The following MROH2B variants were observed in gnomAD, a reference collection of about 807,000 sequenced individuals.
MROH2B encodes maestro heat-like repeat-containing protein family member 2B.
In MROH2B, 177 loss-of-function variants were observed where a neutral mutation model predicts 208.6. The observed-to-expected ratio is 0.85, with a 90% CI of 0.75 to 0.96. The LOEUF (loss-of-function observed/expected upper bound fraction) is 0.96. Among genes scored for constraint, MROH2B ranks in the 40% least tolerant of loss-of-function variants. The probability of loss-of-function intolerance (pLI) is 0.00; values close to 1 mark genes in which losing one functional copy is unlikely to be tolerated. For missense variants in MROH2B, 2,002 were observed against 1,878.7 expected, an observed-to-expected ratio of 1.07 and a Z score of -1.21; for synonymous variants, 728 against 659.0, an observed-to-expected ratio of 1.10 and a Z score of -1.60.
chr5:41,034,456 C>T (rs1742686924), intron 21 of MROH2B, among the ~76,000 whole-genome samples: 1 of 152,008 alleles, frequency 6.6e-6, no homozygotes. Flanking sequence ...GTGCACACAC[C>T]CCATGAATCT....
chr5:41,054,200 G>A (rs1270164230), intron 11 of MROH2B, among the ~76,000 whole-genome samples: 1 of 152,072 alleles, frequency 6.6e-6, no homozygotes, highest in Non-Finnish European at 1.5e-5. Context: ...GGCTGGTCTC[G>A]AAATCCTGAC....
At chr5:41,033,990 AG>A in intron 21 of MROH2B, 126 bp from the exon 22 acceptor site, 10 of 1,148,738 alleles carry the variant, frequency 8.7e-6, no homozygotes, top group East Asian at 7.5e-5. Flanking sequence ...AGCCTTGCCA[AG>A]GGGGGTCTTG....
intron 24 of MROH2B, among the ~76,000 whole-genome samples, chr5:41,029,247 C>A (rs1742483319): frequency 6.6e-6 from 1 of 151,994 alleles, no homozygotes; most frequent in Non-Finnish European, 1.5e-5. Flanking sequence ...TTTTCATTTG[C>A]CTTTTAGCCA....
At chr5:41,003,851 C>T (rs1290125063) in intron 37 of MROH2B, among the ~76,000 whole-genome samples, 1 of 152,096 alleles carries the variant, frequency 6.6e-6, no homozygotes, top group African/African-American at 2.4e-5. Flanking sequence ...AATGTGCTTC[C>T]TGGAAGGCAT....
At chr5:41,015,755 C>G (rs73090332) in intron 28 of MROH2B, among the ~76,000 whole-genome samples, 4,015 of 152,308 alleles carry the variant, frequency 0.026, 170 homozygotes, top group African/African-American at 0.092. Flanking sequence ...GATGTGAAGA[C>G]ATTGCCCAAG....
In MROH2B at chr5:41,018,965, T is replaced by G; in HGVS notation, c.2495A>C (p.Asn832Thr). 1 of 1,613,862 alleles carries G rather than the reference T, an allele frequency of 6.2e-7. No individual in the cohort carries two copies. The highest frequency in any genetic ancestry group is 8.5e-7 in the Non-Finnish European group (1 of 1,179,854). The part of the protein sequence containing the change: ...LQDHLNILEE[N>T]IRRLLPLPPL... ...TGGAAGGGGCAGCAGCCTCCGAATA[T>G]TCTCCTCAAGAATGTTAAGGTGGTC... The change falls in exon 25 of 42, where the codon AAT (asparagine) becomes ACT (threonine). Residue 832 changes from asparagine to threonine, a missense_variant. Asn to Thr is a moderately conservative substitution (Grantham distance 65). Coordinates refer to ENST00000399564, the MANE Select transcript of MROH2B (RefSeq NM_173489.5).
At chr5:41,013,361 G>A (rs1741834597) in intron 29 of MROH2B, among the ~76,000 whole-genome samples, 1 of 152,144 alleles carries the variant, frequency 6.6e-6, no homozygotes, top group Admixed American at 6.5e-5. Context: ...ATAGCAGTGT[G>A]TGAATTTGAG....
At chr5:40,998,271 C>A in intron 41 of MROH2B, 113 bp from the exon 42 acceptor site, 1 of 727,082 alleles carries the variant, frequency 1.4e-6, no homozygotes, top group South Asian at 1.7e-5. Flanking sequence ...CCAAGTGGGG[C>A]TCAGGTCCTC....
chr5:41,028,093 C>T (rs1045098866), intron 24 of MROH2B, among the ~76,000 whole-genome samples: 1 of 151,928 alleles, frequency 6.6e-6, no homozygotes, highest in African/African-American at 2.4e-5. Context: ...ATGTAAATGT[C>T]GAGTTAATGG....
intron 37 of MROH2B, among the ~76,000 whole-genome samples, chr5:41,002,914 A>G (rs1417133305): frequency 1.3e-5 from 2 of 151,186 alleles, no homozygotes; most frequent in Non-Finnish European, 2.9e-5. Flanking sequence ...TATCTTTGTT[A>G]TTTTTACCCC....
At chr5:41,008,480 A>G (rs559041007) in intron 33 of MROH2B, 126 bp downstream of exon 33, 3 of 1,076,650 alleles carry the variant, frequency 2.8e-6, no homozygotes, top group Admixed American at 5.2e-5. Context: ...AGAGCCTTGT[A>G]GAGCCTTGTT....
intron 18 of MROH2B, among the ~76,000 whole-genome samples, chr5:41,042,823 T>G (rs1208780746): frequency 1.3e-5 from 2 of 152,228 alleles, no homozygotes; most frequent in African/African-American, 4.8e-5. Flanking sequence ...GAGGCTGATC[T>G]CAGACTCCTG....
At chr5:41,065,572 T>C in intron 3 of MROH2B, 82 bp from the exon 4 acceptor site, 1 of 1,056,018 alleles carries the variant, frequency 9.5e-7, no homozygotes, top group Non-Finnish European at 1.4e-6. Flanking sequence ...CAGCATAATA[T>C]TTATATATGC....
chr5:41,051,334 A>G (rs1743277867), intron 12 of MROH2B, among the ~76,000 whole-genome samples: 1 of 152,160 alleles, frequency 6.6e-6, no homozygotes, highest in Non-Finnish European at 1.5e-5. Flanking sequence ...GGCTCCTTCA[A>G]CTGCAGATAT....
intron 24 of MROH2B, among the ~76,000 whole-genome samples, chr5:41,026,574 A>G (rs960459863): frequency 6.6e-6 from 1 of 152,160 alleles, no homozygotes; most frequent in Admixed American, 6.5e-5. Context: ...ATGCTCATGG[A>G]TAGGAAGAAT....
intron 21 of MROH2B, among the ~76,000 whole-genome samples, chr5:41,036,686 G>A (rs990531642): frequency 2.6e-5 from 4 of 151,910 alleles, no homozygotes; most frequent in African/African-American, 9.7e-5. Context: ...TATTAGAGGG[G>A]GACAAGGGTA....
At position 41,008,815 on chromosome 5, in the gene MROH2B, T is replaced by G. The variant is rs753480231; in HGVS notation, c.3421-22A>C. 4 of 1,594,976 alleles carry G rather than the reference T, an allele frequency of 2.5e-6. No individual in the cohort carries two copies. The Admixed American group carries it at 6.9e-5, about 27-fold the overall frequency. ...CCACCTGAGGGGAGAAAGGGCCTCT[T>G]GGTCAGGCAGTCTCATTTTCTCCAA... On this transcript the variant is annotated intron_variant, in intron 32 of 41. Transcript: ENST00000399564.
chr5:41,006,656 T>G (rs1741603172), intron 34 of MROH2B, among the ~76,000 whole-genome samples: 1 of 152,164 alleles, frequency 6.6e-6, no homozygotes, highest in Non-Finnish European at 1.5e-5. Context: ...TACTCAGCCA[T>G]AAAAAGGAGT....
At position 41,005,520 on chromosome 5, in the gene MROH2B, T is replaced by C. The variant is rs1741557747; in HGVS notation, c.3864+11A>G. ...CCCAGTGAGTGTGCTCTGAGGGCTG[T>C]TCTCCCTTGCCTCAGAGAAGAAAGC... On this transcript the variant is annotated intron_variant, in intron 35 of 41. Coordinates refer to ENST00000399564, the MANE Select transcript of MROH2B (RefSeq NM_173489.5). 1.4e-5 allele frequency: 21 copies of C among 1,508,376 alleles called. No homozygotes were observed. The highest frequency in any genetic ancestry group is 1.8e-5 in the Non-Finnish European group (20 of 1,115,566). 93.4% of individuals were successfully genotyped at this position (1,508,376 alleles called of 1,614,324 possible).
Sources: allele counts gnomAD v4.1 joint callset (sites outside exome capture counted in the v4.1 genomes callset), GRCh38; gene constraint gnomAD v4.1.1; transcripts MANE v1.5; gene names NCBI Gene and HGNC (gene_info 2026-07-23, HGNC 2026-07-21).